NR5A1: variants seen among roughly 807,000 people sequenced by gnomAD.
NR5A1 encodes the protein steroidogenic factor 1.
NR5A1 carries 6 observed loss-of-function variants against 42.7 expected under a neutral mutation model. The observed-to-expected ratio is 0.14, with a 90% confidence interval of 0.08 to 0.28. The LOEUF is 0.28. Among genes scored for constraint, NR5A1 ranks in the 10% least tolerant of loss-of-function variants. The pLI, the probability that NR5A1 is intolerant of heterozygous loss-of-function variation, is 1.00. For missense variants in NR5A1, 442 were observed against 626.4 expected (o/e 0.71, Z 3.14); for synonymous variants, 274 against 277.5 (o/e 0.99, Z 0.12).
At position 124,503,239 on chromosome 9, in the gene NR5A1, A is replaced by G; in HGVS notation, c.103-19T>C. On this transcript the variant is annotated intron_variant, in intron 2 of 6. Transcript: ENST00000373588. The surrounding 1 kb of genome is among the most constrained non-coding windows in gnomAD (Gnocchi z 9.6). ...AGAAGCCCTGCGGGAGCTGAGAGTCAGCGAGGCCCCGCAGCGCCCGTCTGC... is the reference window on the plus strand; with the variant it reads ...AGAAGCCCTGCGGGAGCTGAGAGTCGGCGAGGCCCCGCAGCGCCCGTCTGC... 6.2e-7 allele frequency: 1 copy of G among 1,604,100 alleles called. No homozygotes were observed. The highest frequency in any genetic ancestry group is 1.7e-5 in the Admixed American group (1 of 59,072).
intron 5 of NR5A1, among the ~76,000 whole-genome samples, chr9:124,492,260 C>G (rs1188682622): frequency 6.6e-6 from 1 of 150,790 alleles, no homozygotes; most frequent in African/African-American, 2.4e-5. Context: ...CCTCTCTTTC[C>G]CTACAGCCCA....
chr9:124,493,660 C>T (rs1380745573), intron 4 of NR5A1, among the ~76,000 whole-genome samples: 1 of 152,190 alleles, frequency 6.6e-6, no homozygotes, highest in Non-Finnish European at 1.5e-5. Context: ...CCAAGGGCTT[C>T]CCCCCCGGGC....
At chr9:124,487,103 T>TC (rs1482071804) in intron 6 of NR5A1, among the ~76,000 whole-genome samples, 1 of 151,882 alleles carries the variant, frequency 6.6e-6, no homozygotes, top group African/African-American at 2.4e-5. Context: ...GAGGTGGAGG[T>TC]CGGAGGGAGC....
intron 4 of NR5A1, among the ~76,000 whole-genome samples, chr9:124,494,513 G>C (rs1304782901): frequency 6.6e-6 from 1 of 152,218 alleles, no homozygotes; most frequent in Non-Finnish European, 1.5e-5. Flanking sequence ...CATGGCATCA[G>C]TTAAATGCCT....
Position 124,491,015 on chromosome 9 carries a change from T to TCGGCCCCC in NR5A1, c.1138+65_1138+66insGGGGGCCG. The TCGGCCCCC allele has an allele frequency of 3.8e-5, 24 of 634,816 alleles. 1 individual carries two copies. The highest frequency in any genetic ancestry group is 6.1e-5 in the Non-Finnish European group (22 of 363,624). The allele number at this position is 634,816 out of a possible 1,614,324, so 39.3% of individuals were successfully genotyped here. ...CCACAGCAGGGCTACCTCTCCAGCC[T>TCGGCCCCC]CACCCACCCTCCCACCCACCCGCCT... On this transcript the variant is annotated intron_variant, in intron 6 of 6. Transcript: ENST00000373588.
At chr9:124,493,785 A>C (rs560157708) in intron 4 of NR5A1, among the ~76,000 whole-genome samples, 55 of 152,192 alleles carry the variant, frequency 3.6e-4, no homozygotes, top group Non-Finnish European at 6.0e-4. Flanking sequence ...AGAAACGAAC[A>C]GCAACAAGGG....
At position 124,482,753 on chromosome 9, in the gene NR5A1, C is replaced by G. The variant is rs1832148725; in HGVS notation, c.*5G>C. ...CCCAGTCCCGGCCCCGCCCCCGGCC[C>G]AGGCTCAAGTCTGCTTGGCTTGCAG... On this transcript the variant is annotated 3_prime_UTR_variant, in exon 7 of 7. Transcript: ENST00000373588. The G allele has an allele frequency of 6.5e-7, 1 of 1,534,324 alleles. No homozygotes were observed. The highest frequency in any genetic ancestry group is 2.0e-5 in the Admixed American group (1 of 50,754).
chr9:124,491,057 C>T lies in NR5A1; in HGVS notation c.1138+24G>A, dbSNP rs1328625566. 4 of 1,527,084 alleles carry T rather than the reference C, an allele frequency of 2.6e-6. No homozygotes were observed. The South Asian group carries it at 3.5e-5, about 13-fold the overall frequency. The allele number at this position is 1,527,084 out of a possible 1,614,324, so 94.6% of individuals were successfully genotyped here. A position where few individuals can be genotyped will look rare whatever the true frequency, so the allele number is the denominator to read the frequency against. On this transcript the variant is annotated intron_variant, in intron 6 of 6. Coordinates refer to ENST00000373588, the MANE Select transcript of NR5A1 (RefSeq NM_004959.5). ...CACCCGCCTCTGGCTGTCTCCACCTCTCTGTCACTGGAGCTGCACTCACCC... is the reference window on the plus strand; with the variant it reads ...CACCCGCCTCTGGCTGTCTCCACCTTTCTGTCACTGGAGCTGCACTCACCC...
At chr9:124,494,598 G>T (rs1832360738) in intron 4 of NR5A1, among the ~76,000 whole-genome samples, 2 of 152,196 alleles carry the variant, frequency 1.3e-5, no homozygotes, top group African/African-American at 4.8e-5. Context: ...CCAGAGCAGT[G>T]GTCAGAGGGG....
At chr9:124,505,228 G>A (rs999717310) in intron 1 of NR5A1, among the ~76,000 whole-genome samples, 2 of 152,226 alleles carry the variant, frequency 1.3e-5, no homozygotes, top group African/African-American at 4.8e-5. Context: ...TAGGGCAGTG[G>A]GGGCCTTGGG....
At position 124,487,398 on chromosome 9, in the gene NR5A1, TG is replaced by T. The variant is rs1219246656; in HGVS notation, c.1138+3682del. 2.0e-5 allele frequency among the ~76,000 whole-genome samples: 3 copies of T among 152,372 alleles called. No individual in the cohort carries two copies. In the East Asian group the frequency reaches 5.8e-4, roughly 29 times the overall value. ...GGGAATGCTGCTGCCGCCGCCTCAA[TG>T]GAAGTCAGGAAATCGAATGTTAGGT... On this transcript the variant is annotated intron_variant, in intron 6 of 6. Transcript: ENST00000373588.
Position 124,482,626 on chromosome 9 carries a change from T to C in NR5A1, c.*132A>G. The stretch of plus-strand genomic sequence containing the variant: ...GTGTCAGAACTCAGGGGCAGCGGCC[T>C]CTGGGACGGGGCTGGGGCTCCTCGG... On this transcript the variant is annotated 3_prime_UTR_variant, in exon 7 of 7. Coordinates refer to ENST00000373588, the MANE Select transcript of NR5A1 (RefSeq NM_004959.5). 1 of 1,088,676 alleles carries C rather than the reference T, an allele frequency of 9.2e-7. No homozygotes were observed. Among genetic ancestry groups the C allele is most frequent in the Non-Finnish European group, 1.3e-6 (1 of 751,706 alleles). 67.4% of individuals were successfully genotyped at this position (1,088,676 alleles called of 1,614,324 possible).
chr9:124,490,511 T>G (rs907835867), intron 6 of NR5A1, among the ~76,000 whole-genome samples: 9 of 152,136 alleles, frequency 5.9e-5, no homozygotes, highest in Admixed American at 1.3e-4. Flanking sequence ...TCCTCTGCTT[T>G]CTTTTCCTCC....
chr9:124,504,911 C>T (rs1288130331), intron 1 of NR5A1, among the ~76,000 whole-genome samples: 2 of 147,514 alleles, frequency 1.4e-5, no homozygotes, highest in Non-Finnish European at 3.0e-5. Flanking sequence ...TGTTCCCCCC[C>T]GCACCGCCGC....
intron 6 of NR5A1, among the ~76,000 whole-genome samples, chr9:124,489,352 G>C (rs1417250218): frequency 6.6e-6 from 1 of 152,120 alleles, no homozygotes; most frequent in Non-Finnish European, 1.5e-5. Context: ...CCAATTCTAG[G>C]TGCCTCCAAG....
chr9:124,497,449 A>C (rs80182472), intron 4 of NR5A1, among the ~76,000 whole-genome samples: 6,090 of 152,288 alleles, frequency 0.04, 180 homozygotes, highest in Non-Finnish European at 0.062. Context: ...CCCCCATACC[A>C]GCTGGGAAAG....
intron 4 of NR5A1, among the ~76,000 whole-genome samples, chr9:124,499,723 A>G (rs921647738): frequency 6.6e-5 from 10 of 152,136 alleles, no homozygotes; most frequent in African/African-American, 2.4e-4. Context: ...AGAATGAGGG[A>G]AATGAGTACT....
Position 124,500,523 on chromosome 9 carries a change from C to G in NR5A1, c.437G>C (p.Gly146Ala), listed in dbSNP as rs1110061. Residue 146 changes from glycine (G) to alanine (A), a missense_variant, in exon 4 of 7, where the codon GGG (glycine) becomes GCG (alanine). Transcript: ENST00000373588. The surrounding 1 kb of genome is among the most constrained non-coding windows in gnomAD (Gnocchi z 6.9). ...PDYVLPPSLH[G>A]PEPKGLAAGP... ...GGCGGCCAGGCCCTTGGGCTCAGGC[C>G]CATGCAGGCTGGGAGGCAGCACGTA... 102,590 of 1,607,478 alleles carry G rather than the reference C, an allele frequency of 0.064. 25,201 individuals are homozygous for G. In the African/African-American group the frequency reaches 0.75, roughly 12 times the overall value.
intron 6 of NR5A1, 90 bp from the exon 7 acceptor site, chr9:124,483,095 C>T (rs1832154300): frequency 6.2e-6 from 10 of 1,602,666 alleles, no homozygotes; most frequent in African/African-American, 1.3e-5. Context: ...CCAATACCAC[C>T]TTCCCTATGA....
Sources: allele counts gnomAD v4.1 joint callset (sites outside exome capture counted in the v4.1 genomes callset), GRCh38; gene constraint gnomAD v4.1.1; non-coding constraint Gnocchi (gnomAD v3.1); transcripts MANE v1.5; gene names NCBI Gene and HGNC (gene_info 2026-07-23, HGNC 2026-07-21).